The following ITK variants were observed in gnomAD, a reference collection of about 807,000 sequenced individuals.
ITK encodes the protein tyrosine-protein kinase ITK/TSK.
A neutral mutation model predicts 87.6 loss-of-function variants in ITK; 45 were observed. That is an observed-to-expected ratio of 0.51 (90% CI 0.40 to 0.66). The LOEUF is 0.66. ITK is among the 30% of genes least tolerant of loss of function. The pLI is 0.00. For missense variants in ITK, 605 were observed against 766.3 expected (o/e 0.79, Z 2.48); for synonymous variants, 303 against 273.6 (o/e 1.11, Z -1.06).
intron 13 of ITK, chr5:157,245,477 G>A (rs1755002638): frequency 1.2e-5 from 7 of 575,948 alleles, no homozygotes; most frequent in South Asian, 1.2e-4. Context: ...ACAACACCAA[G>A]GATTTCTAAT....
In ITK at chr5:157,244,270, C is replaced by T. The variant is rs748333897; in HGVS notation, c.1241C>T (p.Ser414Phe). 1 of 1,614,158 alleles carries T rather than the reference C, an allele frequency of 6.2e-7. No individual in the cohort carries two copies. The highest frequency in any genetic ancestry group is 8.5e-7 in the Non-Finnish European group (1 of 1,179,974). The change falls in exon 13 of 17, where the codon TCT (serine) becomes TTT (phenylalanine). Residue 414 changes from serine to phenylalanine, a missense_variant. Around this residue, in one of 3 missense-constraint regions of ITK, gnomAD observed 464 missense variants for 578.0 expected, o/e 0.80. Coordinates refer to ENST00000422843, the MANE Select transcript of ITK (RefSeq NM_005546.4). ...TTGTCTTTTTCCTCCAGGAAACTCT[C>T]TCATCCCAAACTGGTGCAGCTGTAT... Reference protein sequence around the residue: ...IEEAEVMMKLSHPKLVQLYGV... With the variant: ...IEEAEVMMKLFHPKLVQLYGV...
intron 1 of ITK, among the ~76,000 whole-genome samples, chr5:157,186,366 TAA>T (rs56804246): frequency 5.1e-4 from 72 of 140,704 alleles, no homozygotes; most frequent in African/African-American, 9.3e-4. Flanking sequence ...CTATGTGTCT[TAA>T]AAAAAAAAAA....
chr5:157,233,964 T>TATATATATATATA (rs1491125187), intron 8 of ITK, among the ~76,000 whole-genome samples: 173 of 16,780 alleles, frequency 0.01, 6 homozygotes, highest in Non-Finnish European at 0.013. Context: ...TATATATATA[T>TATATATATATATA]TTTTTTTTTT....
intron 2 of ITK, 70 bp downstream of exon 2, chr5:157,209,063 C>A: frequency 9.4e-7 from 1 of 1,063,006 alleles, no homozygotes; most frequent in Non-Finnish European, 1.5e-6. Flanking sequence ...CAGCCGGGTG[C>A]AGTGGTTCAA....
intron 1 of ITK, among the ~76,000 whole-genome samples, chr5:157,185,739 G>A (rs1231117996): frequency 2.0e-5 from 3 of 151,866 alleles, no homozygotes; most frequent in Non-Finnish European, 4.4e-5. Flanking sequence ...AGTTACACAG[G>A]AGGGTGAGGT....
chr5:157,216,466 CTTATT>C (rs1754300509), intron 4 of ITK, among the ~76,000 whole-genome samples: 1 of 152,112 alleles, frequency 6.6e-6, no homozygotes, highest in African/African-American at 2.4e-5. Context: ...ACTTGTCTTC[CTTATT>C]GGTGGATGAA....
At chr5:157,197,979 T>C (rs1005345656) in intron 1 of ITK, among the ~76,000 whole-genome samples, 4 of 152,070 alleles carry the variant, frequency 2.6e-5, no homozygotes, top group Non-Finnish European at 5.9e-5. Flanking sequence ...ATAAAAGAAA[T>C]ACACATTCAT....
In ITK at chr5:157,252,023, AT is replaced by A. The variant is rs1285078352; in HGVS notation, c.1792-583del. Among the ~76,000 whole-genome samples the A allele has an allele frequency of 1.1e-4, 16 of 152,224 alleles. 1 individual carries two copies. The highest frequency in any genetic ancestry group is 2.6e-4 in the Admixed American group (4 of 15,280). ...GTCAGTTTGTCAATATCTAAAAAAAATAACTTGCTGAATTTTTATTAGGATT... is the reference window on the plus strand; with the variant it reads ...GTCAGTTTGTCAATATCTAAAAAAAAAACTTGCTGAATTTTTATTAGGATT... On this transcript the variant is annotated intron_variant, in intron 16 of 16. Transcript: ENST00000422843.
At chr5:157,237,744 C>T (rs923446204) in intron 8 of ITK, among the ~76,000 whole-genome samples, 2 of 152,202 alleles carry the variant, frequency 1.3e-5, no homozygotes, top group African/African-American at 4.8e-5. Flanking sequence ...GCCACTTAAG[C>T]TCTCTGGCAC....
At chr5:157,241,909 C>T (rs1329142176) in intron 11 of ITK, among the ~76,000 whole-genome samples, 189 bp downstream of exon 11, 1 of 152,192 alleles carries the variant, frequency 6.6e-6, no homozygotes, top group Non-Finnish European at 1.5e-5. Context: ...TATACAAGCA[C>T]ATTTCTCTAG....
intron 1 of ITK, among the ~76,000 whole-genome samples, chr5:157,193,216 A>C (rs1023626310): frequency 2.6e-5 from 4 of 152,160 alleles, no homozygotes; most frequent in Non-Finnish European, 4.4e-5. Context: ...GCGAGACCCT[A>C]TCTCTCTTTG....
At chr5:157,198,092 C>A (rs112437220) in intron 1 of ITK, among the ~76,000 whole-genome samples, 118 of 150,574 alleles carry the variant, frequency 7.8e-4, no homozygotes, top group Admixed American at 3.1e-3. Context: ...CAAGGCCAAT[C>A]TGGACAACAG....
At position 157,253,267 on chromosome 5, in the gene ITK, C is replaced by T. The variant is rs1755179561; in HGVS notation, c.*589C>T. On this transcript the variant is annotated 3_prime_UTR_variant, in exon 17 of 17. Coordinates refer to ENST00000422843, the MANE Select transcript of ITK (RefSeq NM_005546.4). ...ATAGAGCAGCTGCTCACACAGGAGG[C>T]CGGATATTCTGAGAAGCAGCTTTAT... 1 of 244,498 alleles carries T rather than the reference C, an allele frequency of 4.1e-6. No homozygotes were observed. Among genetic ancestry groups the T allele is most frequent in the Non-Finnish European group, 8.1e-6 (1 of 122,968 alleles). 15.1% of individuals were successfully genotyped at this position (244,498 alleles called of 1,614,324 possible). A position where few individuals can be genotyped will look rare whatever the true frequency, so the allele number is the denominator to read the frequency against.
intron 14 of ITK, 38 bp from the exon 15 acceptor site, chr5:157,245,843 C>T (rs370133323): frequency 3.2e-5 from 52 of 1,608,490 alleles, no homozygotes; most frequent in African/African-American, 1.3e-4. Context: ...CTGAGGCCCC[C>T]GGAACATTCT....
intron 1 of ITK, among the ~76,000 whole-genome samples, chr5:157,186,378 AAAAG>A (rs1753643255): frequency 6.6e-6 from 1 of 151,950 alleles, no homozygotes; most frequent in African/African-American, 2.4e-5. Flanking sequence ...AAAAAAAAAA[AAAAG>A]AGAGAGAGAG....
chr5:157,238,318 T>G, intron 9 of ITK, 127 bp downstream of exon 9: 1 of 759,372 alleles, frequency 1.3e-6, no homozygotes, highest in East Asian at 2.7e-5. Flanking sequence ...CTGTTTTCCC[T>G]CTTTACTCCG....
At chr5:157,208,817 A>T (rs1161452765) in intron 1 of ITK, 72 bp from the exon 2 acceptor site, 1 of 1,071,484 alleles carries the variant, frequency 9.3e-7, no homozygotes, top group African/African-American at 1.6e-5. Context: ...CTAGCAGTAG[A>T]TTTCTGGAGC....
chr5:157,217,641 G>A (rs1419750819), intron 4 of ITK, among the ~76,000 whole-genome samples: 2 of 152,160 alleles, frequency 1.3e-5, no homozygotes, highest in African/African-American at 4.8e-5. Context: ...AGCTTCTGGT[G>A]TGTACTAGAA....
At chr5:157,243,894 G>T in intron 12 of ITK, 100 bp downstream of exon 12, 2 of 1,122,408 alleles carry the variant, frequency 1.8e-6, no homozygotes, top group South Asian at 1.3e-5. Flanking sequence ...ATCTCCCTGC[G>T]CAAACTCCCA....
Sources: gnomAD v4.1 joint callset for allele counts (sites outside exome capture counted in the v4.1 genomes callset) on GRCh38, gnomAD v4.1.1 for gene constraint, gnomAD v4.1.1 regional missense constraint, MANE v1.5 for transcripts, NCBI Gene and HGNC (gene_info 2026-07-23, HGNC 2026-07-21) for gene names.